The following SLC24A2 variants were observed in gnomAD, a reference collection of about 807,000 sequenced individuals.
SLC24A2 encodes the protein solute carrier family 24 member 2.
A neutral mutation model predicts 62.0 loss-of-function variants in SLC24A2; 36 were observed. The observed-to-expected ratio is 0.58, with a 90% CI of 0.44 to 0.77. The LOEUF (loss-of-function observed/expected upper bound fraction) is 0.77. Among genes scored for constraint, SLC24A2 ranks in the 30% least tolerant of loss-of-function variants. The pLI is 0.00. For missense variants in SLC24A2, 846 were observed against 817.9 expected (o/e 1.03, Z -0.42); for synonymous variants, 358 against 294.0 (o/e 1.22, Z -2.23).
At chr9:20,145,190 G>A in the SLC24A2 span, among the ~76,000 whole-genome samples, 3 of 152,222 alleles carry the variant, frequency 2.0e-5, no homozygotes, top group South Asian at 6.2e-4. Flanking sequence ...CAGTATAGGT[G>A]CCCCCAATAC....
intron 10 of SLC24A2, among the ~76,000 whole-genome samples, chr9:19,520,065 G>A (rs1193536174): frequency 6.6e-6 from 1 of 152,154 alleles, no homozygotes; most frequent in East Asian, 1.9e-4. Context: ...GGTAGACACT[G>A]TATGAAAAAC....
intron 2 of SLC24A2, among the ~76,000 whole-genome samples, chr9:19,635,056 T>C (rs183182724): frequency 3.9e-5 from 6 of 152,316 alleles, no homozygotes; most frequent in East Asian, 1.9e-4. Flanking sequence ...TATCTGTCAA[T>C]AGAACAACGG....
the SLC24A2 span, among the ~76,000 whole-genome samples, chr9:19,859,522 G>A: frequency 1.3e-5 from 2 of 151,906 alleles, no homozygotes; most frequent in Admixed American, 6.6e-5. Flanking sequence ...AAAAGATGAG[G>A]GGTAGAGCAA....
the SLC24A2 span, among the ~76,000 whole-genome samples, chr9:20,032,725 G>A: frequency 6.6e-6 from 1 of 152,152 alleles, no homozygotes; most frequent in South Asian, 2.1e-4. Flanking sequence ...AAAGCATTTT[G>A]CCCTTAGAGT....
At chr9:19,928,710 C>G in the SLC24A2 span, 1 of 152,192 alleles carries the variant, frequency 6.6e-6, no homozygotes, top group East Asian at 1.9e-4. Context: ...AGGCATTGCA[C>G]TGATTCACAT....
the SLC24A2 span, among the ~76,000 whole-genome samples, chr9:20,223,888 T>A: frequency 6.6e-6 from 1 of 152,138 alleles, no homozygotes; most frequent in African/African-American, 2.4e-5. Flanking sequence ...GATTTACAGT[T>A]CTGCATGGCT....
chr9:19,783,022 C>T (rs765729543), intron 2 of SLC24A2, among the ~76,000 whole-genome samples: 15 of 152,118 alleles, frequency 9.9e-5, no homozygotes, highest in Non-Finnish European at 2.1e-4. Flanking sequence ...AAGAACCACA[C>T]ACAAGGTAGA....
the SLC24A2 span, among the ~76,000 whole-genome samples, chr9:20,210,484 T>G: frequency 2.7e-5 from 4 of 149,188 alleles, no homozygotes; most frequent in South Asian, 8.5e-4. Context: ...TTTGTTTTTG[T>G]TTTTTTTTGA....
chr9:19,652,922 AC>A (rs1818841658), intron 2 of SLC24A2, among the ~76,000 whole-genome samples: 1 of 15,250 alleles, frequency 6.6e-5, no homozygotes, highest in Non-Finnish European at 1.3e-4. Flanking sequence ...GATGAGACAA[AC>A]CTTCTCTTCC....
the SLC24A2 span, among the ~76,000 whole-genome samples, chr9:19,914,564 T>G: frequency 6.6e-6 from 1 of 152,114 alleles, no homozygotes; most frequent in Non-Finnish European, 1.5e-5. Flanking sequence ...AGTCATCTTT[T>G]AAGACCAGCT....
intron 2 of SLC24A2, among the ~76,000 whole-genome samples, chr9:19,647,970 C>A (rs917487065): frequency 2.6e-5 from 4 of 152,060 alleles, no homozygotes; most frequent in Admixed American, 2.0e-4. Flanking sequence ...GTGGTAGTGA[C>A]AGGGAACATG....
the SLC24A2 span, among the ~76,000 whole-genome samples, chr9:19,942,899 A>G: frequency 1.3e-5 from 2 of 152,178 alleles, no homozygotes; most frequent in African/African-American, 4.8e-5. Flanking sequence ...AAAATTCACT[A>G]TCTCCTCCAC....
the SLC24A2 span, among the ~76,000 whole-genome samples, chr9:20,266,310 C>G: frequency 1.3e-5 from 2 of 152,166 alleles, no homozygotes; most frequent in South Asian, 4.1e-4. Flanking sequence ...TAAAATTTCT[C>G]TCTTTTGTAC....
the SLC24A2 span, among the ~76,000 whole-genome samples, chr9:19,877,378 GC>G: frequency 7.2e-6 from 1 of 139,638 alleles, no homozygotes; most frequent in Non-Finnish European, 1.6e-5. Context: ...ATGGAGTTTG[GC>G]TCCATAGTTT....
At chr9:19,560,422 A>G (rs1835331895) in intron 7 of SLC24A2, among the ~76,000 whole-genome samples, 1 of 151,884 alleles carries the variant, frequency 6.6e-6, no homozygotes, top group Admixed American at 6.6e-5. Context: ...CCCTGATCCA[A>G]TAGGATCATA....
At chr9:19,546,362 T>C (rs1834569380) in intron 8 of SLC24A2, among the ~76,000 whole-genome samples, 1 of 152,000 alleles carries the variant, frequency 6.6e-6, no homozygotes. Flanking sequence ...GGTACTGCCT[T>C]TTTTTTTCAG....
the SLC24A2 span, among the ~76,000 whole-genome samples, chr9:20,029,053 A>C: frequency 1.3e-5 from 2 of 152,102 alleles, no homozygotes; most frequent in East Asian, 1.9e-4. Context: ...CACACCCTCC[A>C]TCACCCTTCC....
intron 5 of SLC24A2, among the ~76,000 whole-genome samples, chr9:19,577,603 T>C (rs1249819641): frequency 3.9e-5 from 6 of 152,122 alleles, no homozygotes; most frequent in African/African-American, 1.4e-4. Flanking sequence ...CTTTCCAAAT[T>C]AGCTGAGTCA....
chr9:20,078,170 T>C, the SLC24A2 span, among the ~76,000 whole-genome samples: 4 of 152,112 alleles, frequency 2.6e-5, no homozygotes, highest in South Asian at 6.2e-4. Context: ...ACGCAGAGAA[T>C]TCCCTGAGAG....
Sources: gnomAD v4.1 joint callset for allele counts (sites outside exome capture counted in the v4.1 genomes callset) on GRCh38, gnomAD v4.1.1 for gene constraint, MANE v1.5 for transcripts, NCBI Gene and HGNC (gene_info 2026-07-23, HGNC 2026-07-21) for gene names.